Variants in DGKG observed in about 807,000 individuals in gnomAD.
DGKG encodes the protein DAG kinase gamma.
DGKG carries 78 observed loss-of-function variants against 105.3 expected under a neutral mutation model. That is an observed-to-expected ratio of 0.74 (90% CI 0.62 to 0.89). The LOEUF (loss-of-function observed/expected upper bound fraction) is 0.89. Ranked by LOEUF, DGKG falls within the 40% of genes least tolerant of loss-of-function variation. The probability of loss-of-function intolerance (pLI) is 0.00; values close to 1 mark genes in which losing one functional copy is unlikely to be tolerated. For missense variants in DGKG, 958 were observed against 1,020.1 expected, an observed-to-expected ratio of 0.94 and a Z score of 0.83; for synonymous variants, 346 against 367.1, an observed-to-expected ratio of 0.94 and a Z score of 0.66.
At chr3:186,250,460 T>C (rs992303055) in intron 19 of DGKG, among the ~76,000 whole-genome samples, 1 of 151,822 alleles carries the variant, frequency 6.6e-6, no homozygotes, top group Non-Finnish European at 1.5e-5. Context: ...CTGCACATCC[T>C]GCACATGTAC....
intron 2 of DGKG, 110 bp downstream of exon 2, chr3:186,320,283 C>A: frequency 7.5e-7 from 1 of 1,330,450 alleles, no homozygotes; most frequent in Non-Finnish European, 1.0e-6. Flanking sequence ...GCCGTCAGGC[C>A]TGACATCATT....
chr3:186,190,676 T>A (rs974770076), intron 21 of DGKG, among the ~76,000 whole-genome samples: 1 of 151,868 alleles, frequency 6.6e-6, no homozygotes, highest in Non-Finnish European at 1.5e-5. Flanking sequence ...TTTTAAAAAA[T>A]AACATAGACA....
rs975645155 is a variant in DGKG, at chr3:186,168,298, A to G, written c.2096-3280T>C. Among the ~76,000 whole-genome samples the G allele has an allele frequency of 1.3e-4, 20 of 152,318 alleles. 1 individual carries two copies. The East Asian group carries it at 1.9e-3, about 15-fold the overall frequency. The stretch of plus-strand genomic sequence containing the variant: ...TCACATCCATAGAGCTAGGACTTTC[A>G]ATACTGCTCTTATTTATTCCTTGGT... On this transcript the variant is annotated intron_variant, in intron 22 of 24. Transcript: ENST00000265022.
chr3:186,231,387 T>C lies in DGKG; in HGVS notation c.1826+11117A>G, dbSNP rs374279599. Among the ~76,000 whole-genome samples the C allele has an allele frequency of 3.9e-5, 6 of 152,160 alleles. No individual in the cohort carries two copies. In the East Asian group the frequency reaches 5.8e-4, roughly 15 times the overall value. ...ATCGTAGCTTCTCTAGTAACTAGTG[T>C]GGTCTTGAGCAAGTTGCATCATCTC... On this transcript the variant is annotated intron_variant, in intron 20 of 24. Coordinates refer to ENST00000265022, the MANE Select transcript of DGKG (RefSeq NM_001346.3). This position sits in a 1 kb window ranked among gnomAD's most constrained non-coding sequence, Gnocchi z 4.5.
At chr3:186,267,391 A>G (rs752433222) in intron 13 of DGKG, among the ~76,000 whole-genome samples, 2 of 152,200 alleles carry the variant, frequency 1.3e-5, no homozygotes, top group African/African-American at 2.4e-5. Flanking sequence ...CACATACTGA[A>G]AGCACAAACC....
chr3:186,359,736 G>C (rs56137944), intron 1 of DGKG, among the ~76,000 whole-genome samples: 1 of 151,912 alleles, frequency 6.6e-6, no homozygotes, highest in African/African-American at 2.4e-5. Flanking sequence ...GTATAATTTC[G>C]AGGCATAAAA....
intron 19 of DGKG, among the ~76,000 whole-genome samples, chr3:186,242,860 T>C (rs1720755786): frequency 6.6e-6 from 1 of 152,032 alleles, no homozygotes; most frequent in Admixed American, 6.6e-5. Context: ...CAGGGGTGAG[T>C]GAAGGGGAAA....
chr3:186,183,777 T>C (rs377669369), intron 22 of DGKG, among the ~76,000 whole-genome samples: 2 of 152,166 alleles, frequency 1.3e-5, no homozygotes, highest in South Asian at 2.1e-4. Context: ...CAATCTCAGC[T>C]CACTGCAACC....
chr3:186,356,269 G>A (rs1458869719), intron 1 of DGKG, among the ~76,000 whole-genome samples: 20 of 152,188 alleles, frequency 1.3e-4, no homozygotes, highest in Non-Finnish European at 4.4e-5. Flanking sequence ...ATCAGATTCA[G>A]AGATGGCAGG....
At chr3:186,151,781 T>C (rs1195733767) in intron 24 of DGKG, among the ~76,000 whole-genome samples, 1 of 152,198 alleles carries the variant, frequency 6.6e-6, no homozygotes, top group African/African-American at 2.4e-5. Flanking sequence ...AAGAGGGCAC[T>C]ACTGTAAGCC....
At position 186,179,286 on chromosome 3, in the gene DGKG, T is replaced by G. The variant is rs955061787; in HGVS notation, c.2095+8916A>C. Among the ~76,000 whole-genome samples the G allele has an allele frequency of 2.0e-5, 3 of 152,218 alleles. No individual in the cohort carries two copies. In the South Asian group the frequency reaches 6.2e-4, roughly 32 times the overall value. ...TGCCTATGGTGGTTTTCATGCTAAGTGGACAGAGCTGAGTCGTTGCATCAG... is the reference window on the plus strand; with the variant it reads ...TGCCTATGGTGGTTTTCATGCTAAGGGGACAGAGCTGAGTCGTTGCATCAG... On this transcript the variant is annotated intron_variant, in intron 22 of 24. Transcript: ENST00000265022.
At chr3:186,289,266 C>T (rs890688770) in intron 5 of DGKG, among the ~76,000 whole-genome samples, 54 of 152,032 alleles carry the variant, frequency 3.6e-4, no homozygotes, top group African/African-American at 1.3e-3. Context: ...GGTAAATGGC[C>T]AACAGTCATT....
At chr3:186,308,741 T>C (rs945156238) in intron 2 of DGKG, among the ~76,000 whole-genome samples, 3 of 152,162 alleles carry the variant, frequency 2.0e-5, no homozygotes, top group South Asian at 4.1e-4. Flanking sequence ...ATGCTGTCAA[T>C]TTGGGCTGCT....
chr3:186,256,302 C>T (rs957095071), intron 17 of DGKG, among the ~76,000 whole-genome samples: 25 of 152,300 alleles, frequency 1.6e-4, no homozygotes, highest in African/African-American at 5.5e-4. Context: ...CTACTTACAG[C>T]CCCCGGAGGC....
At chr3:186,245,197 G>T (rs1263748606) in intron 19 of DGKG, among the ~76,000 whole-genome samples, 1 of 152,090 alleles carries the variant, frequency 6.6e-6, no homozygotes, top group East Asian at 1.9e-4. Context: ...CCATAACTAG[G>T]TTTTGCAAAG....
intron 20 of DGKG, among the ~76,000 whole-genome samples, chr3:186,219,946 C>G (rs529201006): frequency 6.6e-6 from 1 of 152,186 alleles, no homozygotes; most frequent in Non-Finnish European, 1.5e-5. Flanking sequence ...CAGGGGATCA[C>G]AGGTTCCAAA....
intron 1 of DGKG, among the ~76,000 whole-genome samples, chr3:186,336,983 G>A (rs1403898828): frequency 6.6e-6 from 1 of 152,104 alleles, no homozygotes; most frequent in Non-Finnish European, 1.5e-5. Flanking sequence ...AGATAAAACT[G>A]AACCAATATT....
At chr3:186,239,028 A>C (rs1197455143) in intron 20 of DGKG, among the ~76,000 whole-genome samples, 3 of 152,200 alleles carry the variant, frequency 2.0e-5, no homozygotes, top group African/African-American at 7.2e-5. Flanking sequence ...TTCTCTGCAG[A>C]AAAATACATT....
chr3:186,279,533 C>T (rs1309281913), intron 9 of DGKG: 1 of 179,990 alleles, frequency 5.6e-6, no homozygotes, highest in Non-Finnish European at 1.2e-5. Flanking sequence ...GTTGAAAAGA[C>T]AGAATTCTTC....
Sources: allele counts gnomAD v4.1 joint callset (sites outside exome capture counted in the v4.1 genomes callset), GRCh38; gene constraint gnomAD v4.1.1; non-coding constraint Gnocchi (gnomAD v3.1); transcripts MANE v1.5; gene names NCBI Gene and HGNC (gene_info 2026-07-23, HGNC 2026-07-21).